The following GCNT3 variants were observed in gnomAD, a reference collection of about 807,000 sequenced individuals.
The protein encoded by GCNT3 is beta-1,3-galactosyl-O-glycosyl-glycoprotein beta-1,6-N-acetylglucosaminyltransferase 3.
For missense variants in GCNT3, 708 were observed against 530.3 expected (o/e 1.34, Z -3.29); for synonymous variants, 269 against 195.2 (o/e 1.38, Z -3.15).
intron 1 of GCNT3, among the ~76,000 whole-genome samples, chr15:59,615,582 A>G (rs548599591): frequency 2.0e-4 from 30 of 152,156 alleles, no homozygotes; most frequent in African/African-American, 7.2e-4. Flanking sequence ...AGTTCTTTAT[A>G]TTAAATTTGC....
At position 59,618,462 on chromosome 15, in the gene GCNT3, G is replaced by T; in HGVS notation, c.224G>T (p.Arg75Leu). The T allele has an allele frequency of 6.2e-7, 1 of 1,613,734 alleles. No homozygotes were observed. The highest frequency in any genetic ancestry group is 8.5e-7 in the Non-Finnish European group (1 of 1,179,658). Residue 75 changes from arginine (R) to leucine (L), a missense_variant, in exon 3 of 3, where the codon CGA becomes CTA. Coordinates refer to ENST00000396065, the MANE Select transcript of GCNT3 (RefSeq NM_004751.3). ...TCTATCAACTGTTCAGGGGTCACCC[G>T]AGGGGACCAAGAGGCAGTGCTTCAG... is the stretch of plus-strand genomic sequence containing the variant. Reference protein sequence around the residue: ...KRSINCSGVTRGDQEAVLQAI... With the variant: ...KRSINCSGVTLGDQEAVLQAI...
In GCNT3 at chr15:59,618,808, T is replaced by G; in HGVS notation, c.570T>G (p.Ser190Arg). ...ISCFPNVFIA[S>R]KLVRVVYASW... ...GCTTCCCAAATGTCTTCATAGCCAG[T>G]AAGCTGGTTCGGGTGGTTTATGCCT... Residue 190 changes from serine to arginine, a missense_variant, in exon 3 of 3, where the codon AGT (serine) becomes AGG (arginine). Physicochemically the swap from Ser to Arg is moderately radical, Grantham distance 110. Coordinates refer to ENST00000396065, the MANE Select transcript of GCNT3 (RefSeq NM_004751.3). 6.2e-7 allele frequency: 1 copy of G among 1,614,228 alleles called. No homozygotes were observed. Among genetic ancestry groups the G allele is most frequent in the Non-Finnish European group, 8.5e-7 (1 of 1,180,036 alleles).
chr15:59,618,292 C>T lies in GCNT3; in HGVS notation c.54C>T (p.Cys18=), dbSNP rs11542805. Residue 18 remains cysteine, a synonymous_variant, in exon 3 of 3, where the codon TGC becomes TGT. Transcript: ENST00000396065. ...CQLHYLWALG[C]YMLLATVALK... ...TGCATTACTTGTGGGCTCTGGGCTG[C>T]TATATGCTGCTGGCCACTGTGGCTC... is the stretch of plus-strand genomic sequence containing the variant. 6.2e-7 allele frequency: 1 copy of T among 1,611,178 alleles called. No homozygotes were observed. The highest frequency in any genetic ancestry group is 8.5e-7 in the Non-Finnish European group (1 of 1,178,942).
At chr15:59,613,878 A>C (rs1212808627) in intron 1 of GCNT3, among the ~76,000 whole-genome samples, 2 of 152,164 alleles carry the variant, frequency 1.3e-5, no homozygotes, top group Non-Finnish European at 2.9e-5. Flanking sequence ...TTAGCTGGGC[A>C]TGGTGGCTTG....
Position 59,619,131 on chromosome 15 carries a change from A to G in GCNT3, c.893A>G (p.Tyr298Cys), listed in dbSNP as rs753417439. ...YNLTMFTGNA[Y>C]IVASRDFVQH... ...TTAACTATGTTTACAGGGAATGCGT[A>G]CATTGTGGCTTCCCGAGATTTCGTC... The change falls in exon 3 of 3, where the codon TAC becomes TGC. Residue 298 changes from tyrosine to cysteine, a missense_variant. Tyr to Cys is a radical substitution (Grantham distance 194). Transcript: ENST00000396065. The G allele has an allele frequency of 6.2e-7, 1 of 1,614,058 alleles. No homozygotes were observed. The highest frequency in any genetic ancestry group is 8.5e-7 in the Non-Finnish European group (1 of 1,180,020).
At chr15:59,616,526 G>C (rs2082720455) in intron 1 of GCNT3, 166 bp from the exon 2 acceptor site, 1 of 152,194 alleles carries the variant, frequency 6.6e-6, no homozygotes, top group Non-Finnish European at 1.5e-5. Context: ...TGAAATATCT[G>C]TTTGCCTTGT....
In GCNT3 at chr15:59,618,527, C is replaced by A. The variant is rs778829006; in HGVS notation, c.289C>A (p.Pro97Thr). The A allele has an allele frequency of 3.1e-6, 5 of 1,614,148 alleles. No homozygotes were observed. The highest frequency in any genetic ancestry group is 1.6e-4 in the Middle Eastern group (1 of 6,062). Residue 97 changes from proline (P) to threonine (T), a missense_variant, in exon 3 of 3, where the codon CCT becomes ACT. Coordinates refer to ENST00000396065, the MANE Select transcript of GCNT3 (RefSeq NM_004751.3). ...CCTGGAGGTCAAGAAGAAGCGAGAG[C>A]CTTTCACAGACACCCACTACCTCTC... ...NNLEVKKKRE[P>T]FTDTHYLSLT...
In GCNT3 at chr15:59,619,412, G is replaced by C. The variant is rs34081917; in HGVS notation, c.1174G>C (p.Val392Leu). 1.2e-6 allele frequency: 2 copies of C among 1,613,970 alleles called. No individual in the cohort carries two copies. Among genetic ancestry groups the C allele is most frequent in the African/African-American group, 1.3e-5 (1 of 74,906 alleles). Reference sequence around the variant, plus strand: ...TGGAATCCACCAGCGGGCTATCTGCGTTTATGGGGCTGGGGACTTGAATTG... The same window carrying C: ...TGGAATCCACCAGCGGGCTATCTGCCTTTATGGGGCTGGGGACTTGAATTG... ...CSGIHQRAIC[V>L]YGAGDLNWML... Residue 392 changes from valine (V) to leucine (L), a missense_variant, in exon 3 of 3, where the codon GTT (valine) becomes CTT (leucine). By Grantham distance (32) the Val-to-Leu change is conservative. Coordinates refer to ENST00000396065, the MANE Select transcript of GCNT3 (RefSeq NM_004751.3).
Position 59,612,151 on chromosome 15 carries a change from C to G in GCNT3, c.-251+170C>G, listed in dbSNP as rs531570561. On this transcript the variant is annotated intron_variant, in intron 1 of 2. Coordinates refer to ENST00000396065, the MANE Select transcript of GCNT3 (RefSeq NM_004751.3). ...CAAATCCCACTGGCTTCTCTCAGCA[C>G]CACCTTGATGACCCTAGCTTAGTTT... Among the ~76,000 whole-genome samples the G allele has an allele frequency of 1.6e-4, 25 of 152,330 alleles. No homozygotes were observed. In the South Asian group the frequency reaches 4.3e-3, roughly 26 times the overall value.
rs2082732995 is a variant in GCNT3, at chr15:59,618,835, C to T, written c.597C>T (p.Ser199=). ...AGCTGGTTCGGGTGGTTTATGCCTC[C>T]TGGTCCAGGGTGCAAGCTGACCTCA... The part of the protein sequence containing the change: ...ASKLVRVVYA[S]WSRVQADLNC... Residue 199 remains serine, a synonymous_variant, in exon 3 of 3, where the codon TCC becomes TCT. Transcript: ENST00000396065. 3.1e-6 allele frequency: 5 copies of T among 1,614,188 alleles called. No individual in the cohort carries two copies. Among genetic ancestry groups the T allele is most frequent in the Middle Eastern group, 1.6e-4 (1 of 6,062 alleles).
chr15:59,612,867 A>G (rs1348949681), intron 1 of GCNT3, among the ~76,000 whole-genome samples: 4 of 152,072 alleles, frequency 2.6e-5, no homozygotes, highest in Non-Finnish European at 5.9e-5. Context: ...GAGGGTGACA[A>G]CTTACAATAG....
intron 2 of GCNT3, 156 bp from the exon 3 acceptor site, chr15:59,618,023 T>A: frequency 2.4e-6 from 1 of 420,364 alleles, no homozygotes; most frequent in Non-Finnish European, 4.2e-6. Context: ...AGATTACAGA[T>A]CTCCATCAAC....
In GCNT3 at chr15:59,618,799, C is replaced by G. The variant is rs1216527503; in HGVS notation, c.561C>G (p.Phe187Leu). 6.2e-7 allele frequency: 1 copy of G among 1,614,232 alleles called. No homozygotes were observed. Among genetic ancestry groups the G allele is most frequent in the South Asian group, 1.1e-5 (1 of 91,086 alleles). ...KAIISCFPNV[F>L]IASKLVRVVY... The stretch of plus-strand genomic sequence containing the variant: ...TTATTTCTTGCTTCCCAAATGTCTT[C>G]ATAGCCAGTAAGCTGGTTCGGGTGG... The change falls in exon 3 of 3, where the codon TTC (phenylalanine) becomes TTG (leucine). Residue 187 changes from phenylalanine (F) to leucine (L), a missense_variant. By Grantham distance (22) the Phe-to-Leu change is conservative. Transcript: ENST00000396065.
At chr15:59,616,473 T>A (rs916707195) in intron 1 of GCNT3, 1 of 152,242 alleles carries the variant, frequency 6.6e-6, no homozygotes, top group Non-Finnish European at 1.5e-5. Context: ...GACAGGCTTT[T>A]ATGAATAGTT....
At chr15:59,616,407 T>C (rs974791215) in intron 1 of GCNT3, 4 of 152,258 alleles carry the variant, frequency 2.6e-5, no homozygotes, top group Admixed American at 6.5e-5. Context: ...CATATCTCTC[T>C]GTTTCTATGG....
At chr15:59,612,390 T>C (rs2141930994) in intron 1 of GCNT3, among the ~76,000 whole-genome samples, 1 of 152,296 alleles carries the variant, frequency 6.6e-6, no homozygotes, top group East Asian at 1.9e-4. Context: ...AGGACTGGGT[T>C]GGACTTACTT....
In GCNT3 at chr15:59,618,110, G is replaced by C; in HGVS notation, c.-60-69G>C. 4 of 619,156 alleles carry C rather than the reference G, an allele frequency of 6.5e-6. No homozygotes were observed. The South Asian group carries it at 1.0e-4, about 16-fold the overall frequency. 38.4% of individuals were successfully genotyped at this position (619,156 alleles called of 1,614,324 possible). ...AGGTAAGAAATATTTTTTGCCATCA[G>C]TTTGGAATTGAACTTGATGTTTCTG... On this transcript the variant is annotated intron_variant, in intron 2 of 2. Transcript: ENST00000396065.
intron 2 of GCNT3, chr15:59,617,893 G>C: frequency 5.6e-6 from 1 of 177,872 alleles, no homozygotes; most frequent in Non-Finnish European, 1.2e-5. Flanking sequence ...TGAAGGGTGG[G>C]TGGGGACGTG....
At chr15:59,612,994 TGAGTTATTTTGTCA>T (rs1476436357) in intron 1 of GCNT3, among the ~76,000 whole-genome samples, 4 of 151,992 alleles carry the variant, frequency 2.6e-5, no homozygotes, top group African/African-American at 4.8e-5. Context: ...GTAACCACCT[TGAGTTATTTTGTCA>T]GTAAAATAGG....
Sources: gnomAD v4.1 joint callset for allele counts (sites outside exome capture counted in the v4.1 genomes callset) on GRCh38, gnomAD v4.1.1 for gene constraint, MANE v1.5 for transcripts, NCBI Gene and HGNC (gene_info 2026-07-23, HGNC 2026-07-21) for gene names.